SNX9: variants seen among roughly 807,000 people sequenced by gnomAD.
SNX9 encodes sorting nexin 9, also known as sorting nexin-9.
In SNX9, 44 loss-of-function variants were observed where a neutral mutation model predicts 89.4. The observed-to-expected ratio is 0.49, with a 90% CI of 0.39 to 0.63. The LOEUF (loss-of-function observed/expected upper bound fraction) is 0.63, where lower values mean the gene tolerates loss of function less well. Ranked by LOEUF, SNX9 falls within the 30% of genes least tolerant of loss-of-function variation. The pLI is 0.00. For missense variants in SNX9, 578 were observed against 736.1 expected, an observed-to-expected ratio of 0.79 and a Z score of 2.49; for synonymous variants, 236 against 247.8, an observed-to-expected ratio of 0.95 and a Z score of 0.45.
At chr6:157,897,129 A>C in intron 5 of SNX9, 131 bp downstream of exon 5, 1 of 882,778 alleles carries the variant, frequency 1.1e-6, no homozygotes, top group Non-Finnish European at 1.7e-6. Flanking sequence ...CAGCATGGGA[A>C]GGGAGGATTG....
chr6:157,880,298 T>C (rs902170959), intron 4 of SNX9, among the ~76,000 whole-genome samples: 6 of 152,304 alleles, frequency 3.9e-5, no homozygotes, highest in African/African-American at 1.4e-4. Flanking sequence ...CATAAATATT[T>C]TCCTTCTTTT....
intron 1 of SNX9, among the ~76,000 whole-genome samples, chr6:157,842,146 G>A (rs565037004): frequency 6.6e-6 from 1 of 152,282 alleles, no homozygotes; most frequent in East Asian, 1.9e-4. Flanking sequence ...CAAATATCCA[G>A]TCTGTTGGTA....
intron 1 of SNX9, among the ~76,000 whole-genome samples, chr6:157,860,899 G>A (rs1435669725): frequency 6.6e-6 from 1 of 152,132 alleles, no homozygotes; most frequent in Non-Finnish European, 1.5e-5. Flanking sequence ...AGTATTTCTT[G>A]GGAATTTGTA....
At chr6:157,934,889 G>A (rs1216622325) in intron 13 of SNX9, among the ~76,000 whole-genome samples, 1 of 152,118 alleles carries the variant, frequency 6.6e-6, no homozygotes, top group Non-Finnish European at 1.5e-5. Flanking sequence ...CAATCGTAAG[G>A]TCCACGTCCC....
intron 10 of SNX9, among the ~76,000 whole-genome samples, chr6:157,924,213 A>G (rs1783642285): frequency 6.6e-6 from 1 of 151,948 alleles, no homozygotes; most frequent in South Asian, 2.1e-4. Context: ...ATATAAATAT[A>G]TATATGTATG....
At chr6:157,836,340 A>T (rs1312962091) in intron 1 of SNX9, among the ~76,000 whole-genome samples, 4 of 152,074 alleles carry the variant, frequency 2.6e-5, no homozygotes, top group African/African-American at 9.7e-5. Flanking sequence ...TTTTTTCTCA[A>T]ACTCCCCTCT....
intron 14 of SNX9, among the ~76,000 whole-genome samples, chr6:157,937,079 T>C (rs1184860083): frequency 1.3e-5 from 2 of 152,262 alleles, no homozygotes; most frequent in African/African-American, 4.8e-5. Context: ...AATATTTTTA[T>C]ATTCTCTGCT....
Position 157,932,202 on chromosome 6 carries a change from C to G in SNX9, c.1296C>G (p.Pro432=), listed in dbSNP as rs771979972. The G allele has an allele frequency of 1.4e-5, 23 of 1,613,914 alleles. No individual in the cohort carries two copies. The African/African-American group carries it at 3.1e-4, about 22-fold the overall frequency. ...EHWKRCTGPL[P]KEYQKIGKAL... Reference sequence around the variant, plus strand: ...TTCCTTTTTGTCTTTCAGCATTACCCAAGGAATATCAGAAGATAGGAAAGG... The same window carrying G: ...TTCCTTTTTGTCTTTCAGCATTACCGAAGGAATATCAGAAGATAGGAAAGG... Residue 432 remains proline, a synonymous_variant, in exon 13 of 18, where the codon CCC becomes CCG. Coordinates refer to ENST00000392185, the MANE Select transcript of SNX9 (RefSeq NM_016224.5).
At chr6:157,932,866 C>CAAAAAAAAAAA (rs10545432) in intron 13 of SNX9, among the ~76,000 whole-genome samples, 1 of 39,214 alleles carries the variant, frequency 2.6e-5, no homozygotes, top group African/African-American at 1.0e-4. Context: ...GACCCTGTCT[C>CAAAAAAAAAAA]AAAAAAAAAA....
chr6:157,874,886 A>G (rs1392489083), intron 3 of SNX9, 165 bp from the exon 4 acceptor site: 1 of 608,886 alleles, frequency 1.6e-6, no homozygotes, highest in Non-Finnish European at 2.6e-6. Flanking sequence ...ATAAAAATGA[A>G]AATACAACCC....
rs1783975829 is a variant in SNX9, at chr6:157,938,736, A to G, written c.1637A>G (p.Tyr546Cys). Reference sequence around the variant, plus strand: ...GTGAAGAGAGTCAGCATCATGTCTTACGCGTTGCAAGGTAAGATGAAAGGG... The same window carrying G: ...GTGAAGAGAGTCAGCATCATGTCTTGCGCGTTGCAAGGTAAGATGAAAGGG... ...NMVKRVSIMS[Y>C]ALQAEMNHFH... The change falls in exon 16 of 18, where the codon TAC becomes TGC. Residue 546 changes from tyrosine (Y) to cysteine (C), a missense_variant. Transcript: ENST00000392185. 1 of 1,613,272 alleles carries G rather than the reference A, an allele frequency of 6.2e-7. No individual in the cohort carries two copies.
At chr6:157,926,238 G>A (rs1348940007) in intron 10 of SNX9, among the ~76,000 whole-genome samples, 8 of 152,184 alleles carry the variant, frequency 5.3e-5, no homozygotes, top group Admixed American at 5.2e-4. Context: ...GCAGTGTTTG[G>A]GGAAAGGACA....
chr6:157,859,332 A>G (rs1782073087), intron 1 of SNX9, among the ~76,000 whole-genome samples: 1 of 152,222 alleles, frequency 6.6e-6, no homozygotes, highest in Non-Finnish European at 1.5e-5. Flanking sequence ...TATTCTGCTC[A>G]TGAAAAAGGT....
intron 4 of SNX9, among the ~76,000 whole-genome samples, chr6:157,877,677 G>A (rs1782546303): frequency 6.6e-6 from 1 of 152,182 alleles, no homozygotes; most frequent in Non-Finnish European, 1.5e-5. Context: ...CTCTCTCCCA[G>A]GGTCGGTTTT....
At chr6:157,829,652 A>G (rs1226085469) in intron 1 of SNX9, among the ~76,000 whole-genome samples, 2 of 152,112 alleles carry the variant, frequency 1.3e-5, no homozygotes, top group Non-Finnish European at 2.9e-5. Flanking sequence ...AATTAGTATT[A>G]TTTTCTAGGT....
At chr6:157,942,337 C>T (rs1026105719) in intron 17 of SNX9, among the ~76,000 whole-genome samples, 12 of 152,210 alleles carry the variant, frequency 7.9e-5, no homozygotes, top group African/African-American at 2.7e-4. Flanking sequence ...ACCACTGCAG[C>T]GCCTCGTTAG....
chr6:157,861,874 C>T (rs1782131853), intron 1 of SNX9, among the ~76,000 whole-genome samples: 1 of 152,138 alleles, frequency 6.6e-6, no homozygotes, highest in African/African-American at 2.4e-5. Flanking sequence ...GCATCAGGGT[C>T]ATTATTAAGT....
In SNX9 at chr6:157,944,003, C is replaced by T. The variant is rs577; in HGVS notation, c.*1165C>T. 38,711 of 152,244 alleles carry T rather than the reference C, an allele frequency of 0.25. 5,320 individuals are homozygous for T. The highest frequency in any genetic ancestry group is 0.35 in the African/African-American group (14,312 of 41,452). The allele number at this position is 152,244 out of a possible 1,614,324, so 9.4% of individuals were successfully genotyped here. A position where few individuals can be genotyped will look rare whatever the true frequency, so the allele number is the denominator to read the frequency against. On this transcript the variant is annotated 3_prime_UTR_variant, in exon 18 of 18. Coordinates refer to ENST00000392185, the MANE Select transcript of SNX9 (RefSeq NM_016224.5). ...AGAAAGAACAGACCAGCGCCCTTCC[C>T]GACTACATCCGAAACTTCACACAGG...
chr6:157,894,458 T>A, intron 4 of SNX9, among the ~76,000 whole-genome samples: 1 of 127,358 alleles, frequency 7.9e-6, no homozygotes, highest in Non-Finnish European at 1.6e-5. Context: ...ATACAAGATT[T>A]AAATGTTAAA....
Sources: allele counts gnomAD v4.1 joint callset (sites outside exome capture counted in the v4.1 genomes callset), GRCh38; gene constraint gnomAD v4.1.1; transcripts MANE v1.5; gene names NCBI Gene and HGNC (gene_info 2026-07-23, HGNC 2026-07-21).